The following TMTC2 variants were observed in gnomAD, a reference collection of about 807,000 sequenced individuals.
The protein encoded by TMTC2 is protein O-mannosyl-transferase TMTC2.
Under a neutral mutation model 82.4 loss-of-function variants are expected in TMTC2, and 43 were observed. The ratio of observed to expected loss-of-function variants is 0.52; its 90% confidence interval spans 0.41 to 0.67. The LOEUF (loss-of-function observed/expected upper bound fraction) is 0.67. Among genes scored for constraint, TMTC2 ranks in the 30% least tolerant of loss-of-function variants. The pLI is 0.00. For synonymous variants in TMTC2, 408 were observed against 381.9 expected, an observed-to-expected ratio of 1.07 and a Z score of -0.80; for missense variants, 919 against 1,012.4, an observed-to-expected ratio of 0.91 and a Z score of 1.25.
chr12:82,889,282 A>AAAAC, intron 2 of TMTC2, among the ~76,000 whole-genome samples: 1 of 149,432 alleles, frequency 6.7e-6, no homozygotes, highest in Non-Finnish European at 1.5e-5. Flanking sequence ...AAAAAAAAAA[A>AAAAC]AGTGTAGGAA....
At chr12:82,702,863 T>G (rs1480011228) in intron 1 of TMTC2, among the ~76,000 whole-genome samples, 1 of 151,738 alleles carries the variant, frequency 6.6e-6, no homozygotes. Context: ...AAAATAAAAA[T>G]TAGTTGGGCA....
intron 9 of TMTC2, among the ~76,000 whole-genome samples, chr12:83,031,921 C>T (rs912782246): frequency 5.9e-5 from 9 of 152,154 alleles, no homozygotes; most frequent in African/African-American, 2.2e-4. Flanking sequence ...GATGGTACAA[C>T]TCCTGATTTT....
chr12:83,035,457 G>C (rs1881624040), intron 9 of TMTC2, among the ~76,000 whole-genome samples: 1 of 152,060 alleles, frequency 6.6e-6, no homozygotes, highest in African/African-American at 2.4e-5. Context: ...AGATTGACAT[G>C]GACTCCAAAA....
intron 1 of TMTC2, among the ~76,000 whole-genome samples, chr12:82,757,170 T>G (rs1046973783): frequency 6.6e-6 from 1 of 152,222 alleles, no homozygotes; most frequent in Non-Finnish European, 1.5e-5. Flanking sequence ...GCTTGCAGTT[T>G]AAATAATTCC....
intron 2 of TMTC2, among the ~76,000 whole-genome samples, chr12:82,859,729 G>GA (rs1261959894): frequency 6.6e-6 from 1 of 152,152 alleles, no homozygotes; most frequent in African/African-American, 2.4e-5. Context: ...CATGTTAAGA[G>GA]AAAGGACTTA....
chr12:82,986,337 A>T, intron 8 of TMTC2: 1 of 290,312 alleles, frequency 3.4e-6, no homozygotes, highest in Non-Finnish European at 6.6e-6. Flanking sequence ...TGTCCGTATC[A>T]TCCCTGTATC....
At chr12:82,833,716 C>A (rs938181616) in intron 1 of TMTC2, among the ~76,000 whole-genome samples, 1 of 152,142 alleles carries the variant, frequency 6.6e-6, no homozygotes, top group Non-Finnish European at 1.5e-5. Context: ...CTTTAAGAAA[C>A]TATAATGCTG....
chr12:82,718,548 T>C (rs1874007680), intron 1 of TMTC2, among the ~76,000 whole-genome samples: 1 of 152,146 alleles, frequency 6.6e-6, no homozygotes, highest in Non-Finnish European at 1.5e-5. Flanking sequence ...GCCCTGGTGT[T>C]GGAGCTTTTG....
At chr12:82,980,827 C>T (rs1348042531) in intron 7 of TMTC2, among the ~76,000 whole-genome samples, 1 of 151,860 alleles carries the variant, frequency 6.6e-6, no homozygotes, top group African/African-American at 2.4e-5. Flanking sequence ...TGAGGTGTCA[C>T]TCACTTAATA....
chr12:83,011,109 A>G (rs138543772), intron 8 of TMTC2, among the ~76,000 whole-genome samples: 2,187 of 152,324 alleles, frequency 0.014, 48 homozygotes, highest in African/African-American at 0.049. Flanking sequence ...TGTTGGGATT[A>G]CAGGCATGAG....
chr12:82,847,488 A>G (rs1313817125), intron 1 of TMTC2, among the ~76,000 whole-genome samples: 1 of 152,156 alleles, frequency 6.6e-6, no homozygotes, highest in African/African-American at 2.4e-5. Context: ...ATAAAGACAC[A>G]TGCACACGTA....
intron 4 of TMTC2, among the ~76,000 whole-genome samples, chr12:82,935,633 A>C (rs1876274361): frequency 1.3e-5 from 2 of 152,124 alleles, no homozygotes; most frequent in South Asian, 4.1e-4. Flanking sequence ...GTTGTTATGG[A>C]TTTGTTTCGG....
At chr12:82,903,130 CTG>C (rs1314035078) in intron 3 of TMTC2, among the ~76,000 whole-genome samples, 1 of 152,130 alleles carries the variant, frequency 6.6e-6, no homozygotes, top group African/African-American at 2.4e-5. Flanking sequence ...GTTATTCTCA[CTG>C]GGGTCTCCCT....
chr12:82,931,399 A>G (rs1876021773), intron 4 of TMTC2, among the ~76,000 whole-genome samples: 1 of 152,204 alleles, frequency 6.6e-6, no homozygotes, highest in Non-Finnish European at 1.5e-5. Context: ...GTTGGGTTAG[A>G]AAAATCCCTA....
intron 1 of TMTC2, among the ~76,000 whole-genome samples, chr12:82,766,393 A>C (rs959747421): frequency 1.3e-5 from 2 of 152,190 alleles, no homozygotes. Flanking sequence ...CCAAAGAAAG[A>C]AAATGGTATT....
chr12:82,941,530 C>T (rs533229544), intron 4 of TMTC2, among the ~76,000 whole-genome samples: 27 of 152,206 alleles, frequency 1.8e-4, no homozygotes, highest in African/African-American at 6.5e-4. Flanking sequence ...TTTGCTGACC[C>T]CTTGTCCTGT....
intron 2 of TMTC2, among the ~76,000 whole-genome samples, chr12:82,859,607 T>G (rs1240514821): frequency 6.6e-6 from 1 of 152,224 alleles, no homozygotes; most frequent in African/African-American, 2.4e-5. Context: ...AAATTGAAAT[T>G]TATCTGGGCA....
At position 82,950,323 on chromosome 12, in the gene TMTC2, G is replaced by A. The variant is rs147275578; in HGVS notation, c.1599-14701G>A. ...ATTAATCTTTATTACTTCCTGTTGA[G>A]TACTGTTTTTAAACTAGGAAAATAT... On this transcript the variant is annotated intron_variant, in intron 4 of 11. Coordinates refer to ENST00000321196, the MANE Select transcript of TMTC2 (RefSeq NM_152588.3). Among the ~76,000 whole-genome samples the A allele has an allele frequency of 8.6e-3, 1,308 of 152,184 alleles. 21 individuals carry two copies. Among genetic ancestry groups the A allele is most frequent in the African/African-American group, 0.03 (1,240 of 41,500 alleles).
intron 1 of TMTC2, among the ~76,000 whole-genome samples, chr12:82,793,490 A>G (rs1367462049): frequency 7.2e-5 from 11 of 152,068 alleles, no homozygotes; most frequent in Admixed American, 7.2e-4. Context: ...TTCCAATGAC[A>G]AGATGCAAAT....
Sources: allele counts gnomAD v4.1 joint callset (sites outside exome capture counted in the v4.1 genomes callset), GRCh38; gene constraint gnomAD v4.1.1; transcripts MANE v1.5; gene names NCBI Gene and HGNC (gene_info 2026-07-23, HGNC 2026-07-21).